KHDRBS2: variants seen among roughly 807,000 people sequenced by gnomAD.
The protein encoded by KHDRBS2 is KH RNA binding domain containing, signal transduction associated 2, also known as KH domain-containing, RNA-binding, signal transduction-associated protein 2.
KHDRBS2 carries 26 observed loss-of-function variants against 44.3 expected under a neutral mutation model. That is an observed-to-expected ratio of 0.59 (90% confidence interval 0.43 to 0.81). The LOEUF is 0.81. KHDRBS2 is among the 40% of genes least tolerant of loss of function. The probability of loss-of-function intolerance (pLI) is 0.00; values close to 1 mark genes in which losing one functional copy is unlikely to be tolerated. For synonymous variants in KHDRBS2, 194 were observed against 151.1 expected, an observed-to-expected ratio of 1.28 and a Z score of -2.08; for missense variants, 476 against 433.1, an observed-to-expected ratio of 1.10 and a Z score of -0.88.
chr6:61,751,876 C>T (rs1777748376), intron 6 of KHDRBS2, among the ~76,000 whole-genome samples: 1 of 147,024 alleles, frequency 6.8e-6, no homozygotes, highest in Admixed American at 6.8e-5. Context: ...GACCTCTCTC[C>T]TCAGCTTGCA....
chr6:62,097,984 T>C (rs1800992905), intron 2 of KHDRBS2, among the ~76,000 whole-genome samples: 1 of 152,114 alleles, frequency 6.6e-6, no homozygotes, highest in Admixed American at 6.5e-5. Flanking sequence ...ACTTTGATCA[T>C]AAAGATAGGA....
intron 6 of KHDRBS2, among the ~76,000 whole-genome samples, chr6:61,878,844 G>C (rs1260209205): frequency 2.6e-5 from 4 of 151,948 alleles, no homozygotes; most frequent in Non-Finnish European, 5.9e-5. Flanking sequence ...AAATCTGTTT[G>C]TAAAATGGGC....
chr6:62,024,112 A>G (rs1584224497), intron 3 of KHDRBS2, among the ~76,000 whole-genome samples: 2 of 151,328 alleles, frequency 1.3e-5, no homozygotes, highest in East Asian at 3.9e-4. Context: ...TATCTTTCTC[A>G]TAAAAATTAC....
intron 1 of KHDRBS2, among the ~76,000 whole-genome samples, chr6:62,192,105 A>T (rs1824749324): frequency 6.6e-6 from 1 of 152,062 alleles, no homozygotes; most frequent in African/African-American, 2.4e-5. Context: ...AAAATATTAG[A>T]AAATAAGCTC....
intron 2 of KHDRBS2, among the ~76,000 whole-genome samples, chr6:62,169,247 A>C (rs1819515515): frequency 6.6e-6 from 1 of 150,404 alleles, no homozygotes; most frequent in African/African-American, 2.4e-5. Context: ...GTGTGTATAT[A>C]TATTTCTTTT....
intron 2 of KHDRBS2, among the ~76,000 whole-genome samples, chr6:62,120,253 T>G (rs1248933538): frequency 6.6e-6 from 1 of 152,098 alleles, no homozygotes; most frequent in Non-Finnish European, 1.5e-5. Flanking sequence ...GAGGAAGAGA[T>G]CCAAAGGCTT....
the KHDRBS2 span, among the ~76,000 whole-genome samples, chr6:61,671,887 T>A: frequency 2.0e-5 from 3 of 151,888 alleles, no homozygotes; most frequent in Non-Finnish European, 4.4e-5. Flanking sequence ...AGGGTACATG[T>A]GCACAATGTG....
chr6:62,073,754 C>T (rs1370971079), intron 2 of KHDRBS2, among the ~76,000 whole-genome samples: 1 of 151,538 alleles, frequency 6.6e-6, no homozygotes, highest in Non-Finnish European at 1.5e-5. Context: ...TTTCTGATTG[C>T]TATCCCATGT....
chr6:62,274,022 G>A (rs1840512423), intron 1 of KHDRBS2, among the ~76,000 whole-genome samples: 2 of 151,956 alleles, frequency 1.3e-5, no homozygotes, highest in South Asian at 2.1e-4. Context: ...TCTAACCTCC[G>A]CCTTCTGGGT....
At chr6:61,830,420 A>G (rs1791607423) in intron 6 of KHDRBS2, among the ~76,000 whole-genome samples, 1 of 152,226 alleles carries the variant, frequency 6.6e-6, no homozygotes, top group African/African-American at 2.4e-5. Context: ...CTGTGTAAGA[A>G]AGAAAATTGG....
At chr6:62,277,778 T>G (rs1841198254) in intron 1 of KHDRBS2, among the ~76,000 whole-genome samples, 1 of 152,222 alleles carries the variant, frequency 6.6e-6, no homozygotes, top group Non-Finnish European at 1.5e-5. Context: ...GCTTTTATGA[T>G]TGTTTATTAT....
chr6:61,593,775 T>C, the KHDRBS2 span, among the ~76,000 whole-genome samples: 84 of 152,208 alleles, frequency 5.5e-4, no homozygotes, highest in African/African-American at 2.0e-3. Flanking sequence ...GGTGAATTCT[T>C]CTTAAGGTCC....
intron 2 of KHDRBS2, among the ~76,000 whole-genome samples, chr6:62,093,213 C>A (rs1423423149): frequency 6.7e-6 from 1 of 149,876 alleles, no homozygotes; most frequent in Non-Finnish European, 1.5e-5. Context: ...TTATCCTGAC[C>A]TTAGATAAAG....
rs1033745839 is a variant in KHDRBS2 at position 62,066,609 on chromosome 6, G to A, written c.220-18615C>T. ...TTAGAGATGTTTGTTCTTTAAAGAA[G>A]TTTTCCATCTCTATATAATTTCATG... On this transcript the variant is annotated intron_variant, in intron 2 of 8. Coordinates refer to ENST00000281156, the MANE Select transcript of KHDRBS2 (RefSeq NM_152688.4). Among the ~76,000 whole-genome samples, 8 of 151,632 alleles carry A rather than the reference G, an allele frequency of 5.3e-5. No individual in the cohort carries two copies. The South Asian group carries it at 8.3e-4, about 16-fold the overall frequency.
chr6:61,954,932 A>G (rs1451113577), intron 4 of KHDRBS2, among the ~76,000 whole-genome samples: 1 of 122,830 alleles, frequency 8.1e-6, no homozygotes, highest in African/African-American at 2.7e-5. Flanking sequence ...GTATACACAT[A>G]CATATGTATG....
the KHDRBS2 span, among the ~76,000 whole-genome samples, chr6:61,587,766 G>A: frequency 0.015 from 2,282 of 152,258 alleles, 59 homozygotes; most frequent in African/African-American, 0.053. Flanking sequence ...ACACTAAACT[G>A]TCTCTGTCTT....
At chr6:62,205,845 T>C (rs989050465) in intron 1 of KHDRBS2, among the ~76,000 whole-genome samples, 1 of 152,114 alleles carries the variant, frequency 6.6e-6, no homozygotes, top group African/African-American at 2.4e-5. Context: ...TGTGATTATA[T>C]TAACTGTGAC....
rs544426308 is a variant in KHDRBS2, at chr6:61,959,907, A to G, written c.483+18159T>C. Among the ~76,000 whole-genome samples the G allele has an allele frequency of 4.6e-5, 7 of 152,226 alleles. No individual in the cohort carries two copies. The East Asian group carries it at 5.8e-4, about 13-fold the overall frequency. On this transcript the variant is annotated intron_variant, in intron 4 of 8. Transcript: ENST00000281156. ...CTGTGCTCCTAAATTCTAGCTAGGT[A>G]TATGTTTTTCCTTTTCAACGGACTC... is the stretch of plus-strand genomic sequence containing the variant.
chr6:62,250,898 A>T (rs1343764005), intron 1 of KHDRBS2, among the ~76,000 whole-genome samples: 1 of 152,000 alleles, frequency 6.6e-6, no homozygotes, highest in Admixed American at 6.6e-5. Flanking sequence ...TTTTAGATAA[A>T]GGAGGCTAAA....
Sources: allele counts gnomAD v4.1 joint callset (sites outside exome capture counted in the v4.1 genomes callset), GRCh38; gene constraint gnomAD v4.1.1; transcripts MANE v1.5; gene names NCBI Gene and HGNC (gene_info 2026-07-23, HGNC 2026-07-21).